The following LAMB4 variants were observed in gnomAD, a reference collection of about 807,000 sequenced individuals.
LAMB4 encodes the protein laminin subunit beta-4.
In LAMB4, 196 loss-of-function variants were observed where a neutral mutation model predicts 199.2. The observed-to-expected ratio is 0.98, with a 90% CI of 0.88 to 1.11. The LOEUF is 1.11. Ranked by LOEUF, LAMB4 falls within the 50% of genes least tolerant of loss-of-function variation. LAMB4 has a pLI of 0.00. For synonymous variants in LAMB4, 744 were observed against 770.6 expected (o/e 0.97, Z 0.57); for missense variants, 2,080 against 2,171.2 (o/e 0.96, Z 0.83).
intron 25 of LAMB4, among the ~76,000 whole-genome samples, chr7:108,054,230 G>T (rs1222909421): frequency 6.6e-6 from 1 of 152,082 alleles, no homozygotes; most frequent in Non-Finnish European, 1.5e-5. Flanking sequence ...AAGCCACTGT[G>T]CCCAGCCCAG....
chr7:108,090,381 A>T (rs994526629), intron 14 of LAMB4, among the ~76,000 whole-genome samples: 1 of 152,298 alleles, frequency 6.6e-6, no homozygotes, highest in Non-Finnish European at 1.5e-5. Flanking sequence ...TGTCATAGGT[A>T]TTATTTTCTA....
chr7:108,027,531 C>T (rs181603699), intron 33 of LAMB4, among the ~76,000 whole-genome samples: 2 of 152,180 alleles, frequency 1.3e-5, no homozygotes, highest in Admixed American at 6.5e-5. Flanking sequence ...AGGCCAAAGA[C>T]TCATTTGATA....
At chr7:108,103,292 C>G in intron 9 of LAMB4, 60 bp from the exon 10 acceptor site, 1 of 1,395,754 alleles carries the variant, frequency 7.2e-7, no homozygotes, top group South Asian at 1.4e-5. Flanking sequence ...ACAGCCAGTG[C>G]CCCCGCACTG....
Position 108,062,949 on chromosome 7 carries a change from G to A in LAMB4, c.3107C>T (p.Pro1036Leu). The stretch of plus-strand genomic sequence containing the variant: ...GTCACAGAGGCAAGCTCCCCCACCA[G>A]GGGGACACTCCATGGGACTCACGCC... ...ASGVSPMECP[P>L]GGGACLCDPV... The change falls in exon 23 of 34, where the codon CCT (proline) becomes CTT (leucine). Residue 1036 changes from proline (P) to leucine (L), a missense_variant. Pro to Leu is a moderately conservative substitution (Grantham distance 98, BLOSUM62 -3). Transcript: ENST00000388781. 1.2e-6 allele frequency: 2 copies of A among 1,605,286 alleles called. No individual in the cohort carries two copies. Among genetic ancestry groups the A allele is most frequent in the Non-Finnish European group, 1.7e-6 (2 of 1,176,474 alleles).
In LAMB4 at chr7:108,037,431, CT is replaced by C; in HGVS notation, c.4635del (p.Ala1546GlnfsTer9). ...ACCAAAAGCTTTTGGGCTCCATCTG[CT>C]TCTTCATTTAACCTGTTTTCATCTG... ...YRTDENRLNE[E>X]ADGAQKLLVK... On this transcript the variant is annotated frameshift_variant, in exon 30 of 34. Coordinates refer to ENST00000388781, the MANE Select transcript of LAMB4 (RefSeq NM_007356.3). LOFTEE classifies it high-confidence loss of function. 1.9e-6 allele frequency: 3 copies of C among 1,614,184 alleles called. No individual in the cohort carries two copies. Among genetic ancestry groups the C allele is most frequent in the South Asian group, 2.2e-5 (2 of 91,090 alleles).
At chr7:108,028,401 T>C (rs1225850476) in intron 33 of LAMB4, among the ~76,000 whole-genome samples, 1 of 151,884 alleles carries the variant, frequency 6.6e-6, no homozygotes, top group Admixed American at 6.6e-5. Context: ...AGTAGTACCT[T>C]CTAGGATGAC....
chr7:108,038,285 G>A lies in LAMB4; in HGVS notation c.4472-690C>T, dbSNP rs1399092112. Among the ~76,000 whole-genome samples the A allele has an allele frequency of 4.6e-5, 7 of 152,166 alleles. No homozygotes were observed. In the South Asian group the frequency reaches 1.5e-3, roughly 32 times the overall value. ...AGCGATTCTCCTGCCTCAGCCTCCT[G>A]AGTAGCTGGGATTACAGGTATGCAC... On this transcript the variant is annotated intron_variant, in intron 29 of 33. Transcript: ENST00000388781.
At chr7:108,027,472 G>A (rs1338109547) in intron 33 of LAMB4, among the ~76,000 whole-genome samples, 2 of 152,220 alleles carry the variant, frequency 1.3e-5, no homozygotes, top group Admixed American at 1.3e-4. Context: ...CCATACTAAT[G>A]TTCCATTTTC....
chr7:108,034,530 T>TA (rs550193850), intron 30 of LAMB4, among the ~76,000 whole-genome samples, 184 bp from the exon 31 acceptor site: 44 of 151,984 alleles, frequency 2.9e-4, no homozygotes, highest in Non-Finnish European at 5.2e-4. Context: ...TAAATGCCAA[T>TA]AAAAAAAACC....
At position 108,043,950 on chromosome 7, in the gene LAMB4, A is replaced by T. The variant is rs540098711; in HGVS notation, c.4327-54T>A. 8.6e-5 allele frequency: 125 copies of T among 1,446,216 alleles called. 1 individual carries two copies. In the South Asian group the frequency reaches 1.6e-3, roughly 18 times the overall value. 89.6% of individuals were successfully genotyped at this position (1,446,216 alleles called of 1,614,324 possible). A position where few individuals can be genotyped will look rare whatever the true frequency, so the allele number is the denominator to read the frequency against. ...ACTCGACAATATACTCAACAAAGTC[A>T]TGTTCTTTGATGTTTAATTACTTAG... On this transcript the variant is annotated intron_variant, in intron 28 of 33. Coordinates refer to ENST00000388781, the MANE Select transcript of LAMB4 (RefSeq NM_007356.3).
intron 18 of LAMB4, 120 bp downstream of exon 18, chr7:108,069,588 C>CA: frequency 3.6e-6 from 3 of 833,484 alleles, no homozygotes; most frequent in Non-Finnish European, 5.8e-6. Flanking sequence ...TGTATCTAAT[C>CA]ATTGAGTGAT....
intron 5 of LAMB4, among the ~76,000 whole-genome samples, chr7:108,108,177 C>A (rs186598516): frequency 4.1e-4 from 62 of 152,298 alleles, no homozygotes; most frequent in African/African-American, 1.5e-3. Flanking sequence ...CAAATGCCCA[C>A]CTCAGCCTCC....
At chr7:108,115,578 C>T (rs2038376042) in intron 3 of LAMB4, among the ~76,000 whole-genome samples, 1 of 152,082 alleles carries the variant, frequency 6.6e-6, no homozygotes, top group Non-Finnish European at 1.5e-5. Context: ...GGCTGAGGTA[C>T]ACTCCAGCCT....
rs1488073181 is a variant in LAMB4, at chr7:108,114,495, T to C, written c.192+1509A>G. Reference sequence around the variant, plus strand: ...AGAGCACCTGGACTTAGTAGTCACCTGGCCTAGAGTTGAGCAGAACTTCCA... The same window carrying C: ...AGAGCACCTGGACTTAGTAGTCACCCGGCCTAGAGTTGAGCAGAACTTCCA... On this transcript the variant is annotated intron_variant, in intron 3 of 33. Transcript: ENST00000388781. Among the ~76,000 whole-genome samples the C allele has an allele frequency of 2.6e-5, 4 of 152,236 alleles. No homozygotes were observed. The South Asian group carries it at 8.3e-4, about 31-fold the overall frequency.
intron 23 of LAMB4, 86 bp from the exon 24 acceptor site, chr7:108,058,014 G>C (rs1269016745): frequency 1.1e-6 from 1 of 901,814 alleles, no homozygotes; most frequent in Non-Finnish European, 1.8e-6. Flanking sequence ...TTCCCCTCCA[G>C]TGAATTAGAA....
chr7:108,037,848 A>G (rs542865079), intron 29 of LAMB4, among the ~76,000 whole-genome samples: 2 of 152,358 alleles, frequency 1.3e-5, no homozygotes, highest in East Asian at 3.9e-4. Context: ...AAAATACTAA[A>G]GACTTGGAAC....
intron 14 of LAMB4, among the ~76,000 whole-genome samples, chr7:108,085,523 A>G (rs1462536945): frequency 6.6e-6 from 1 of 152,218 alleles, no homozygotes; most frequent in Non-Finnish European, 1.5e-5. Flanking sequence ...AAGAAAGTAT[A>G]AAGCTTTATA....
Position 108,041,700 on chromosome 7 carries a change from C to T in LAMB4, c.4471+2052G>A, listed in dbSNP as rs199757835. ...ATAAATGGGAGCTAAATGATGAGAA[C>T]ACATGGACACATAGAGGGGAACAAC... On this transcript the variant is annotated intron_variant, in intron 29 of 33. Coordinates refer to ENST00000388781, the MANE Select transcript of LAMB4 (RefSeq NM_007356.3). Among the ~76,000 whole-genome samples, 14 of 152,194 alleles carry T rather than the reference C, an allele frequency of 9.2e-5. No homozygotes were observed. The East Asian group carries it at 1.4e-3, about 15-fold the overall frequency.
chr7:108,100,812 G>A (rs1360514959), intron 10 of LAMB4, among the ~76,000 whole-genome samples: 2 of 152,140 alleles, frequency 1.3e-5, no homozygotes, highest in South Asian at 2.1e-4. Flanking sequence ...TACAGATTGT[G>A]GTAAAAACTG....
Sources: allele counts gnomAD v4.1 joint callset (sites outside exome capture counted in the v4.1 genomes callset), GRCh38; gene constraint gnomAD v4.1.1; transcripts MANE v1.5; gene names NCBI Gene and HGNC (gene_info 2026-07-23, HGNC 2026-07-21).